Variants in THSD7A observed in about 807,000 individuals in gnomAD.
THSD7A encodes the protein thrombospondin type-1 domain-containing protein 7A.
In THSD7A, 96 loss-of-function variants were observed where a neutral mutation model predicts 231.3. The ratio of observed to expected loss-of-function variants is 0.41; its 90% confidence interval spans 0.35 to 0.49. THSD7A has a LOEUF of 0.49. Ranked by LOEUF, THSD7A falls within the 20% of genes least tolerant of loss-of-function variation. THSD7A has a pLI of 0.05. For missense variants in THSD7A, 2,290 were observed against 2,070.2 expected (o/e 1.11, Z -2.06); for synonymous variants, 940 against 743.3 (o/e 1.26, Z -4.30).
chr7:11,514,305 T>C (rs1175139642), intron 6 of THSD7A, among the ~76,000 whole-genome samples: 2 of 152,242 alleles, frequency 1.3e-5, no homozygotes, highest in African/African-American at 4.8e-5. Flanking sequence ...TGAAGACAGA[T>C]ACATTATTTA....
chr7:11,422,028 T>C (rs941244413), intron 16 of THSD7A, among the ~76,000 whole-genome samples: 1 of 152,214 alleles, frequency 6.6e-6, no homozygotes, highest in African/African-American at 2.4e-5. Context: ...GCAAGAATTA[T>C]ACTTTGAGAA....
At chr7:11,382,725 A>C (rs550157128) in intron 23 of THSD7A, 109 bp from the exon 24 acceptor site, 2 of 840,412 alleles carry the variant, frequency 2.4e-6, no homozygotes, top group East Asian at 5.4e-5. Flanking sequence ...CTCATCTCTG[A>C]TGATTCAAAT....
chr7:11,672,628 TG>T (rs1783438431), intron 1 of THSD7A, among the ~76,000 whole-genome samples: 1 of 152,196 alleles, frequency 6.6e-6, no homozygotes, highest in Admixed American at 6.5e-5. Flanking sequence ...TTTTAACTTT[TG>T]CCTAGAATTT....
chr7:11,481,952 T>C lies in THSD7A; in HGVS notation c.1853A>G (p.Asp618Gly). ...GGCCACAGGGATGGGGAAGATGGCA[T>C]CTCTGCACAGCTGTCTGTCAACTTC... ...GEEVDRQLCR[D>G]AIFPIPVACD... is the part of the protein sequence containing the mutation. The change falls in exon 7 of 28, where the codon GAT becomes GGT. Residue 618 changes from aspartate (D) to glycine (G), a missense_variant. Asp to Gly is a moderately conservative substitution (Grantham distance 94). Transcript: ENST00000423059. 1 of 1,612,754 alleles carries C rather than the reference T, an allele frequency of 6.2e-7. No individual in the cohort carries two copies. The highest frequency in any genetic ancestry group is 8.5e-7 in the Non-Finnish European group (1 of 1,179,126).
At chr7:11,520,497 T>A (rs1562680569) in intron 6 of THSD7A, among the ~76,000 whole-genome samples, 1 of 152,188 alleles carries the variant, frequency 6.6e-6, no homozygotes, top group African/African-American at 2.4e-5. Context: ...ACTGTACACA[T>A]GCCACCAGGA....
At chr7:11,605,731 T>A (rs561125708) in intron 2 of THSD7A, among the ~76,000 whole-genome samples, 2 of 152,260 alleles carry the variant, frequency 1.3e-5, no homozygotes, top group South Asian at 4.1e-4. Flanking sequence ...AATAATTGGA[T>A]AGGCTGGAGG....
chr7:11,810,774 A>C (rs370913104), intron 1 of THSD7A, among the ~76,000 whole-genome samples: 2 of 152,194 alleles, frequency 1.3e-5, no homozygotes, highest in African/African-American at 4.8e-5. Context: ...AGGGTGGTTT[A>C]ATTTCAACTT....
chr7:11,414,773 G>A (rs1393155160), intron 17 of THSD7A, among the ~76,000 whole-genome samples: 1 of 152,154 alleles, frequency 6.6e-6, no homozygotes, highest in Non-Finnish European at 1.5e-5. Flanking sequence ...TGCTTCCGTT[G>A]CACTTTGGTC....
chr7:11,700,445 T>C (rs1207518409), intron 1 of THSD7A, among the ~76,000 whole-genome samples: 1 of 151,210 alleles, frequency 6.6e-6, no homozygotes, highest in Non-Finnish European at 1.5e-5. Flanking sequence ...AAAAAAGATA[T>C]TCAAGTCTAA....
intron 6 of THSD7A, among the ~76,000 whole-genome samples, chr7:11,517,426 T>TAAA (rs35838306): frequency 6.0e-5 from 9 of 149,184 alleles, no homozygotes; most frequent in Non-Finnish European, 7.4e-5. Context: ...TTTAAAGAGT[T>TAAA]AAAAAAAAAA....
chr7:11,708,582 G>A (rs1234507428), intron 1 of THSD7A, among the ~76,000 whole-genome samples: 3 of 150,682 alleles, frequency 2.0e-5, no homozygotes, highest in Admixed American at 1.3e-4. Flanking sequence ...TTTCTCTGCT[G>A]TAACATGTAA....
At chr7:11,687,082 T>C (rs1486175701) in intron 1 of THSD7A, among the ~76,000 whole-genome samples, 1 of 151,890 alleles carries the variant, frequency 6.6e-6, no homozygotes, top group Non-Finnish European at 1.5e-5. Flanking sequence ...TAATTTTGAT[T>C]TCTAAAAATA....
At chr7:11,581,134 A>G (rs1406865469) in intron 4 of THSD7A, among the ~76,000 whole-genome samples, 1 of 152,100 alleles carries the variant, frequency 6.6e-6, no homozygotes, top group Non-Finnish European at 1.5e-5. Context: ...TACACATTTA[A>G]TCTTTGAAGC....
chr7:11,481,671 A>G, intron 7 of THSD7A, 117 bp downstream of exon 7: 1 of 1,089,892 alleles, frequency 9.2e-7, no homozygotes, highest in South Asian at 2.0e-5. Flanking sequence ...TAAATCTTGG[A>G]TGGCTGAATT....
intron 4 of THSD7A, among the ~76,000 whole-genome samples, chr7:11,565,834 C>T (rs995283063): frequency 6.6e-6 from 1 of 152,182 alleles, no homozygotes; most frequent in Non-Finnish European, 1.5e-5. Flanking sequence ...CTTGTACCTC[C>T]ATTCCTGCCT....
chr7:11,507,848 T>C (rs185880963), intron 6 of THSD7A, among the ~76,000 whole-genome samples: 1 of 152,322 alleles, frequency 6.6e-6, no homozygotes, highest in East Asian at 1.9e-4. Context: ...ATGTAAAATA[T>C]AAGGAACTCT....
chr7:11,772,105 G>A (rs1783248671), intron 1 of THSD7A, among the ~76,000 whole-genome samples: 1 of 152,110 alleles, frequency 6.6e-6, no homozygotes, highest in African/African-American at 2.4e-5. Context: ...TTTAAGCAAT[G>A]TGAGAACAGA....
chr7:11,621,694 G>A (rs770099306), intron 2 of THSD7A, among the ~76,000 whole-genome samples: 5 of 151,908 alleles, frequency 3.3e-5, no homozygotes, highest in Non-Finnish European at 5.9e-5. Context: ...TTTGAATTCC[G>A]TGTCTTACTA....
chr7:11,733,441 T>C (rs575921510), intron 1 of THSD7A, among the ~76,000 whole-genome samples: 87 of 151,984 alleles, frequency 5.7e-4, no homozygotes, highest in South Asian at 1.0e-3. Context: ...AGATAAGATA[T>C]ATGGGTTCAA....
Sources: gnomAD v4.1 joint callset for allele counts (sites outside exome capture counted in the v4.1 genomes callset) on GRCh38, gnomAD v4.1.1 for gene constraint, MANE v1.5 for transcripts, NCBI Gene and HGNC (gene_info 2026-07-23, HGNC 2026-07-21) for gene names.